BCLAF3: variants seen among roughly 807,000 people sequenced by gnomAD.
BCLAF3 encodes the protein transient octamer binding factor 1.
In BCLAF3, 24 loss-of-function variants were observed where a neutral mutation model predicts 51.2. That is an observed-to-expected ratio of 0.47 (90% confidence interval 0.34 to 0.66). The LOEUF (loss-of-function observed/expected upper bound fraction) is 0.66. Ranked by LOEUF, BCLAF3 falls within the 30% of genes least tolerant of loss-of-function variation. The pLI, the probability that BCLAF3 is intolerant of heterozygous loss-of-function variation, is 0.01. For missense variants in BCLAF3, 465 were observed against 525.1 expected, an observed-to-expected ratio of 0.89 and a Z score of 1.12; for synonymous variants, 152 against 176.6, an observed-to-expected ratio of 0.86 and a Z score of 1.10.
intron 2 of BCLAF3, among the ~76,000 whole-genome samples, chrX:19,968,116 A>G (rs1267527317): frequency 1.1e-4 from 12 of 112,646 alleles, no homozygotes; most frequent in Non-Finnish European, 2.1e-4. Flanking sequence ...TTCACATTCA[A>G]TATCGGTTTG....
At chrX:19,984,399 A>T (rs2072727864) in intron 1 of BCLAF3, among the ~76,000 whole-genome samples, 1 of 110,755 alleles carries the variant, frequency 9.0e-6, no homozygotes, top group African/African-American at 3.3e-5. Context: ...CAACATACTC[A>T]ATAGAGTAAC....
At chrX:19,966,045 A>C in intron 3 of BCLAF3, 35 bp downstream of exon 3, 1 of 1,122,478 alleles carries the variant, frequency 8.9e-7, no homozygotes, top group South Asian at 2.1e-5. Flanking sequence ...TTGAGGCTTT[A>C]TACCAAATTA....
At chrX:19,980,228 A>G (rs1256086029) in intron 1 of BCLAF3, among the ~76,000 whole-genome samples, 5 of 112,175 alleles carry the variant, frequency 4.5e-5, no homozygotes, top group Non-Finnish European at 9.4e-5. Context: ...GATTTCAAAC[A>G]TAAAGATAAA....
chrX:19,940,915 C>T (rs1199995713), intron 8 of BCLAF3, among the ~76,000 whole-genome samples: 2 of 110,751 alleles, frequency 1.8e-5, no homozygotes, highest in African/African-American at 6.6e-5. Flanking sequence ...TATTTCTCCA[C>T]ATCCTCTCCA....
intron 8 of BCLAF3, among the ~76,000 whole-genome samples, chrX:19,939,903 T>C (rs757730063): frequency 2.6e-4 from 29 of 111,662 alleles, no homozygotes; most frequent in Admixed American, 1.0e-3. Context: ...ACAGAAAGAA[T>C]AGAGGTTACC....
intron 7 of BCLAF3, among the ~76,000 whole-genome samples, chrX:19,952,600 G>A (rs954001330): frequency 2.7e-5 from 3 of 111,243 alleles, no homozygotes; most frequent in Admixed American, 1.9e-4. Flanking sequence ...GAAATTTTTC[G>A]TTCCTGTGCA....
chrX:19,964,133 T>C (rs929628827), intron 4 of BCLAF3, among the ~76,000 whole-genome samples: 1 of 112,000 alleles, frequency 8.9e-6, no homozygotes, highest in African/African-American at 3.2e-5. Flanking sequence ...CATTTTTGGT[T>C]CAAATACAAA....
At chrX:19,943,929 C>A (rs1331750853) in intron 8 of BCLAF3, among the ~76,000 whole-genome samples, 1 of 65,785 alleles carries the variant, frequency 1.5e-5, no homozygotes, top group African/African-American at 6.0e-5. Flanking sequence ...GTAGGTCACT[C>A]AGGACTTGCT....
chrX:19,959,949 C>T (rs189811663), intron 4 of BCLAF3, among the ~76,000 whole-genome samples: 4 of 110,083 alleles, frequency 3.6e-5, no homozygotes, highest in African/African-American at 1.3e-4. Context: ...GTGTGCACCA[C>T]TACACCTGGC....
Position 19,937,413 on chromosome X carries a change from C to T in BCLAF3, c.1860+5G>A, listed in dbSNP as rs2070810578. ...AAAATGCAAATTTTGGAACTGCAAT[C>T]TTACCATGTAAGGTTTTTCAATACA... is the stretch of plus-strand genomic sequence containing the variant. On this transcript the variant is annotated splice_donor_5th_base_variant and intron_variant, in intron 9 of 11. Coordinates refer to ENST00000379682, the MANE Select transcript of BCLAF3 (RefSeq NM_001367774.2). 21 of 1,057,407 alleles carry T rather than the reference C, an allele frequency of 2.0e-5. No homozygotes were observed. The highest frequency in any genetic ancestry group is 2.6e-5 in the Non-Finnish European group (20 of 760,551). 87.1% of individuals were successfully genotyped at this position (1,057,407 alleles called of 1,213,427 possible).
intron 11 of BCLAF3, among the ~76,000 whole-genome samples, chrX:19,925,015 G>C (rs928816578): frequency 9.0e-6 from 1 of 111,343 alleles, no homozygotes; most frequent in African/African-American, 3.3e-5. Context: ...CACAGTAAAA[G>C]GGACTTAGGG....
chrX:19,945,416 TG>T (rs1378395467), intron 8 of BCLAF3, among the ~76,000 whole-genome samples: 1 of 107,193 alleles, frequency 9.3e-6, no homozygotes, highest in Non-Finnish European at 1.9e-5. Context: ...TATCTACTTT[TG>T]GTCTTTGATG....
intron 2 of BCLAF3, 26 bp from the exon 3 acceptor site, chrX:19,966,675 T>G (rs1409970766): frequency 8.6e-7 from 1 of 1,156,564 alleles, no homozygotes; most frequent in Non-Finnish European, 1.2e-6. Context: ...CAGAAAAGTG[T>G]AAACCATTTA....
chrX:19,979,514 G>C (rs181419507), intron 1 of BCLAF3, among the ~76,000 whole-genome samples: 1 of 110,803 alleles, frequency 9.0e-6, no homozygotes, highest in Admixed American at 9.7e-5. Flanking sequence ...ATGTGCATCA[G>C]GAAACAAAAA....
At chrX:19,978,063 T>C (rs772975405) in intron 1 of BCLAF3, among the ~76,000 whole-genome samples, 2 of 111,731 alleles carry the variant, frequency 1.8e-5, no homozygotes, top group Admixed American at 9.5e-5. Context: ...TCATTGACAA[T>C]GCACCTGGTC....
rs995819414 is a variant in BCLAF3 at position 19,916,005 on chromosome X, A to G, written c.*1300T>C. On this transcript the variant is annotated 3_prime_UTR_variant, in exon 12 of 12. Coordinates refer to ENST00000379682, the MANE Select transcript of BCLAF3 (RefSeq NM_001367774.2). Reference sequence around the variant, plus strand: ...ATCAAGTGCACTTGCCCCCCTTATCATGAACTCACTTAAGGAAAAGGCTGC... The same window carrying G: ...ATCAAGTGCACTTGCCCCCCTTATCGTGAACTCACTTAAGGAAAAGGCTGC... 4.5e-5 allele frequency: 5 copies of G among 111,819 alleles called. No homozygotes were observed. The highest frequency in any genetic ancestry group is 1.6e-4 in the African/African-American group (5 of 30,796). The allele number at this position is 111,819 out of a possible 1,213,427, so 9.2% of individuals were successfully genotyped here.
intron 4 of BCLAF3, 136 bp from the exon 5 acceptor site, chrX:19,955,702 T>G (rs939632785): frequency 1.8e-5 from 8 of 452,631 alleles, no homozygotes; most frequent in Non-Finnish European, 3.5e-6. Context: ...TTCCATGCCA[T>G]AAAACATGTA....
At chrX:19,964,922 A>G (rs2071994336) in intron 4 of BCLAF3, 122 bp downstream of exon 4, 1 of 584,711 alleles carries the variant, frequency 1.7e-6, no homozygotes, top group Admixed American at 5.2e-5. Flanking sequence ...TGGGGGGGAA[A>G]ATTCTTGGCA....
chrX:19,963,821 C>T (rs1351410182), intron 4 of BCLAF3, among the ~76,000 whole-genome samples: 1 of 110,213 alleles, frequency 9.1e-6, no homozygotes, highest in Non-Finnish European at 1.9e-5. Context: ...TGAGACCAGC[C>T]TGGGCAACAG....
Sources: allele counts gnomAD v4.1 joint callset (sites outside exome capture counted in the v4.1 genomes callset), GRCh38; gene constraint gnomAD v4.1.1; transcripts MANE v1.5; gene names NCBI Gene and HGNC (gene_info 2026-07-23, HGNC 2026-07-21).